TFB1M: variants seen among roughly 807,000 people sequenced by gnomAD.
TFB1M encodes transcription factor B1, mitochondrial, also known as dimethyladenosine transferase 1, mitochondrial.
Under a neutral mutation model 31.1 loss-of-function variants are expected in TFB1M, and 27 were observed. That is an observed-to-expected ratio of 0.87 (90% CI 0.64 to 1.20). The LOEUF (loss-of-function observed/expected upper bound fraction) is 1.20. TFB1M is among the 50% of genes most tolerant of loss of function. TFB1M has a pLI of 0.00. For synonymous variants in TFB1M, 166 were observed against 151.8 expected, an observed-to-expected ratio of 1.09 and a Z score of -0.69; for missense variants, 394 against 418.7, an observed-to-expected ratio of 0.94 and a Z score of 0.51.
intron 5 of TFB1M, chr6:155,276,420 A>T: frequency 6.5e-7 from 1 of 1,541,476 alleles, no homozygotes; most frequent in Non-Finnish European, 8.8e-7. Flanking sequence ...TTTGGGTGCC[A>T]AATGGGACTT....
In TFB1M at chr6:155,257,868, C is replaced by CTTTTTCTTCA; in HGVS notation, c.999_1008dup (p.Glu337Ter). ...CTGTAATTCTCTGCGTCATCCTCTT[C>CTTTTTCTTCA]TTTTTCTTCATTTTTGCTTTTTCTT... On this transcript the variant is annotated stop_gained and frameshift_variant, in exon 7 of 7. Coordinates refer to ENST00000367166, the MANE Select transcript of TFB1M (RefSeq NM_016020.4). LOFTEE classifies it low-confidence loss of function (END_TRUNC). 1 of 1,614,150 alleles carries CTTTTTCTTCA rather than the reference C, an allele frequency of 6.2e-7. No homozygotes were observed. The highest frequency in any genetic ancestry group is 8.5e-7 in the Non-Finnish European group (1 of 1,179,994).
chr6:155,241,023 G>A, the TFB1M span, among the ~76,000 whole-genome samples: 17 of 152,358 alleles, frequency 1.1e-4, no homozygotes, highest in South Asian at 3.3e-3. Flanking sequence ...AGTATAAGGG[G>A]AGAGAGATCA....
chr6:155,271,110 CAT>C (rs1211798977), intron 5 of TFB1M, among the ~76,000 whole-genome samples: 2 of 152,112 alleles, frequency 1.3e-5, no homozygotes, highest in South Asian at 2.1e-4. Flanking sequence ...ATAACCGAAA[CAT>C]GTGTTTGTTT....
At chr6:155,244,978 C>A in the TFB1M span, 1 of 640,236 alleles carries the variant, frequency 1.6e-6, no homozygotes, top group Non-Finnish European at 2.3e-6. Flanking sequence ...TTTCCTGGCG[C>A]AGGTGCTTTT....
At chr6:155,272,906 T>C (rs958186666) in intron 5 of TFB1M, among the ~76,000 whole-genome samples, 2 of 152,120 alleles carry the variant, frequency 1.3e-5, no homozygotes, top group African/African-American at 4.8e-5. Context: ...TATCAGTTAA[T>C]GGGAAGAAAA....
intron 5 of TFB1M, among the ~76,000 whole-genome samples, chr6:155,279,962 T>G (rs1785417457): frequency 6.6e-6 from 1 of 152,154 alleles, no homozygotes; most frequent in Non-Finnish European, 1.5e-5. Context: ...TTATATTTAT[T>G]TTTATTTTGG....
chr6:155,301,160 C>T (rs150948739), intron 2 of TFB1M, among the ~76,000 whole-genome samples: 4 of 152,292 alleles, frequency 2.6e-5, no homozygotes, highest in African/African-American at 9.6e-5. Context: ...TTTTCAATCT[C>T]AGTCAATGAC....
chr6:155,246,304 T>C, the TFB1M span, among the ~76,000 whole-genome samples: 1 of 152,094 alleles, frequency 6.6e-6, no homozygotes, highest in African/African-American at 2.4e-5. Context: ...AGCTCTGCCA[T>C]TGGATTTTAA....
At chr6:155,268,045 G>A (rs777951028) in intron 5 of TFB1M, among the ~76,000 whole-genome samples, 1 of 152,134 alleles carries the variant, frequency 6.6e-6, no homozygotes, top group East Asian at 1.9e-4. Flanking sequence ...TTTACAGACC[G>A]AAGATGCCCT....
chr6:155,254,027 G>A, downstream of TFB1M: 2 of 1,614,092 alleles, frequency 1.2e-6, no homozygotes, highest in Non-Finnish European at 1.7e-6. Flanking sequence ...GAAATAGAAG[G>A]ACGGCCAGAA....
intron 5 of TFB1M, among the ~76,000 whole-genome samples, chr6:155,266,681 C>A (rs1161093297): frequency 2.0e-5 from 3 of 151,786 alleles, no homozygotes; most frequent in Non-Finnish European, 4.4e-5. Context: ...CCCGTCTCTA[C>A]TAAAAAATAC....
intron 2 of TFB1M, among the ~76,000 whole-genome samples, chr6:155,302,182 T>C (rs1208531635): frequency 2.6e-5 from 4 of 152,180 alleles, no homozygotes; most frequent in African/African-American, 9.7e-5. Context: ...TGAATACCCA[T>C]TTTGCATATT....
rs1055071101 is a variant in TFB1M at position 155,257,755 on chromosome 6, T to TAAAG, written c.*77_*80dup. On this transcript the variant is annotated 3_prime_UTR_variant, in exon 7 of 7. Transcript: ENST00000367166. ...CATTGGCATTTGTATCGTCATTCTG[T>TAAAG]AAAGACAAAAGAGTACCTATATAAG... 22 of 1,549,388 alleles carry TAAAG rather than the reference T, an allele frequency of 1.4e-5. No homozygotes were observed. The East Asian group carries it at 4.3e-4, about 30-fold the overall frequency.
At chr6:155,270,763 G>T (rs868464889) in intron 5 of TFB1M, among the ~76,000 whole-genome samples, 1 of 152,138 alleles carries the variant, frequency 6.6e-6, no homozygotes, top group Non-Finnish European at 1.5e-5. Flanking sequence ...CAACCATGGC[G>T]ACCAGCGAAA....
At chr6:155,262,740 C>T (rs564969881) in intron 5 of TFB1M, among the ~76,000 whole-genome samples, 3 of 152,306 alleles carry the variant, frequency 2.0e-5, no homozygotes, top group Non-Finnish European at 4.4e-5. Flanking sequence ...ACAGAAACTG[C>T]CACTTTCAGC....
chr6:155,305,745 TTA>T (rs1337117312), intron 2 of TFB1M, among the ~76,000 whole-genome samples: 8 of 113,338 alleles, frequency 7.1e-5, no homozygotes, highest in African/African-American at 1.0e-4. Flanking sequence ...AATTATATAT[TTA>T]TATATATAAA....
At chr6:155,230,530 A>G in the TFB1M span, among the ~76,000 whole-genome samples, 1 of 64,792 alleles carries the variant, frequency 1.5e-5, no homozygotes, top group Non-Finnish European at 2.8e-5. Context: ...TCCCAGCCAG[A>G]CTCAAGGAGT....
chr6:155,245,753 T>G, the TFB1M span: 1 of 1,353,874 alleles, frequency 7.4e-7, no homozygotes, highest in Non-Finnish European at 9.7e-7. Flanking sequence ...ATGCCTTTTA[T>G]AGTTTTTTTT....
chr6:155,269,031 T>C (rs1412084116), intron 5 of TFB1M, among the ~76,000 whole-genome samples: 1 of 144,596 alleles, frequency 6.9e-6, no homozygotes, highest in Admixed American at 6.8e-5. Context: ...AGAAGAAAGA[T>C]GGACTGCAAT....
Sources: gnomAD v4.1 joint callset for allele counts (sites outside exome capture counted in the v4.1 genomes callset) on GRCh38, gnomAD v4.1.1 for gene constraint, MANE v1.5 for transcripts, NCBI Gene and HGNC (gene_info 2026-07-23, HGNC 2026-07-21) for gene names.